SERGEF: variants seen among roughly 807,000 people sequenced by gnomAD.
The protein encoded by SERGEF is secretion regulating guanine nucleotide exchange factor.
Under a neutral mutation model 50.0 loss-of-function variants are expected in SERGEF, and 51 were observed. The ratio of observed to expected loss-of-function variants is 1.02; its 90% CI spans 0.81 to 1.29. The LOEUF (loss-of-function observed/expected upper bound fraction) is 1.29. Among genes scored for constraint, SERGEF ranks in the 50% most tolerant of loss-of-function variants. SERGEF has a pLI of 0.00. For missense variants in SERGEF, 521 were observed against 557.0 expected (o/e 0.94, Z 0.65); for synonymous variants, 205 against 212.4 (o/e 0.97, Z 0.30).
intron 8 of SERGEF, among the ~76,000 whole-genome samples, chr11:17,981,525 ATTAGGGACTCTT>A (rs1853495041): frequency 6.6e-6 from 1 of 152,064 alleles, no homozygotes; most frequent in South Asian, 2.1e-4. Context: ...CCATTAACGA[ATTAGGGACTCTT>A]GTGTGAAGTA....
At chr11:18,006,781 C>T (rs1322028368) in intron 2 of SERGEF, 35 bp from the exon 3 acceptor site, 6 of 1,601,416 alleles carry the variant, frequency 3.7e-6, no homozygotes, top group Non-Finnish European at 4.3e-6. Context: ...ATAGCGTGCA[C>T]AGGAAAAAAC....
chr11:18,011,133 CACAT>C (rs1268025072), intron 1 of SERGEF, among the ~76,000 whole-genome samples: 1 of 128,322 alleles, frequency 7.8e-6, no homozygotes, highest in Non-Finnish European at 1.6e-5. Context: ...TGCACATGCA[CACAT>C]ACACACACAC....
At chr11:17,910,433 A>G (rs1851930938) in intron 9 of SERGEF, among the ~76,000 whole-genome samples, 1 of 151,800 alleles carries the variant, frequency 6.6e-6, no homozygotes, top group Non-Finnish European at 1.5e-5. Flanking sequence ...AAATTTTTTT[A>G]TAGAGATGGA....
At position 17,991,494 on chromosome 11, in the gene SERGEF, G is replaced by A. The variant is rs955668455; in HGVS notation, c.685+1437C>T. ...CCATCCCTCATTGACTGTGGGGCAC[G>A]AACACATCACTTCTCACCCTAAGGT... On this transcript the variant is annotated intron_variant, in intron 7 of 10. Coordinates refer to ENST00000265965, the MANE Select transcript of SERGEF (RefSeq NM_012139.4). The surrounding 1 kb of genome is among the most constrained non-coding windows in gnomAD (Gnocchi z 4.9). Among the ~76,000 whole-genome samples the A allele has an allele frequency of 2.0e-5, 3 of 152,138 alleles. No homozygotes were observed. The highest frequency in any genetic ancestry group is 2.1e-4 in the South Asian group (1 of 4,824).
chr11:17,920,129 C>T (rs942764358), intron 9 of SERGEF, among the ~76,000 whole-genome samples: 43 of 147,988 alleles, frequency 2.9e-4, no homozygotes, highest in African/African-American at 1.0e-3. Context: ...CGCCTGTAGT[C>T]CTAGCTACTC....
intron 10 of SERGEF, among the ~76,000 whole-genome samples, chr11:17,863,088 GTT>G (rs1850956025): frequency 6.6e-6 from 1 of 152,222 alleles, no homozygotes; most frequent in African/African-American, 2.4e-5. Flanking sequence ...GCAGACCTTA[GTT>G]TGAATTCTGG....
intron 5 of SERGEF, chr11:17,999,393 A>G (rs778939797): frequency 6.3e-5 from 20 of 316,016 alleles, no homozygotes; most frequent in Non-Finnish European, 1.1e-4. Flanking sequence ...CTGCATGTGC[A>G]TCTGCAATTA....
In SERGEF at chr11:17,789,299, C is replaced by T. The variant is rs545053670; in HGVS notation, c.1049-886G>A. Among the ~76,000 whole-genome samples, 83 of 152,336 alleles carry T rather than the reference C, an allele frequency of 5.4e-4. No homozygotes were observed. The South Asian group carries it at 0.015, about 28-fold the overall frequency. ...GATGATTTGTGTGGTGATGTGTTTA[C>T]TGTCCCCTCTTCACTAGACTGCACT... On this transcript the variant is annotated intron_variant, in intron 10 of 10. Transcript: ENST00000265965.
At chr11:18,007,107 CA>C (rs1222935523) in intron 2 of SERGEF, among the ~76,000 whole-genome samples, 1 of 152,198 alleles carries the variant, frequency 6.6e-6, no homozygotes, top group Non-Finnish European at 1.5e-5. Context: ...CTAGGGCCCA[CA>C]ATGCTTTCAG....
intron 10 of SERGEF, among the ~76,000 whole-genome samples, chr11:17,811,317 G>A (rs763195004): frequency 6.6e-6 from 1 of 152,208 alleles, no homozygotes; most frequent in Non-Finnish European, 1.5e-5. Flanking sequence ...CCACATGGAC[G>A]TAGCCAGGAG....
At chr11:18,004,238 G>A (rs143726481) in intron 4 of SERGEF, among the ~76,000 whole-genome samples, 1 of 152,286 alleles carries the variant, frequency 6.6e-6, no homozygotes, top group Non-Finnish European at 1.5e-5. Flanking sequence ...CATATGAAGT[G>A]TATGAAAACT....
chr11:17,948,962 G>T (rs1852721985), intron 9 of SERGEF, among the ~76,000 whole-genome samples: 1 of 152,158 alleles, frequency 6.6e-6, no homozygotes, highest in Non-Finnish European at 1.5e-5. Context: ...GCAGGAGGTG[G>T]TGGCCACCAC....
intron 8 of SERGEF, 65 bp from the exon 9 acceptor site, chr11:17,959,701 G>A (rs2133971544): frequency 7.3e-7 from 1 of 1,373,618 alleles, no homozygotes. Flanking sequence ...GGTAGGCAAT[G>A]AATTACAAGA....
rs907923430 is a variant in SERGEF at position 17,901,933 on chromosome 11, C to T, written c.1012-23689G>A. ...AGAGCTTCAGTTTCCATATCTGTAA[C>T]GTGAACATAACTCAATCTAACTCAC... On this transcript the variant is annotated intron_variant, in intron 9 of 10. Transcript: ENST00000265965. Among the ~76,000 whole-genome samples the T allele has an allele frequency of 9.2e-5, 14 of 152,286 alleles. No homozygotes were observed. In the East Asian group the frequency reaches 1.5e-3, roughly 17 times the overall value.
intron 8 of SERGEF, among the ~76,000 whole-genome samples, chr11:17,965,331 CTG>C (rs1245928796): frequency 6.6e-6 from 1 of 152,208 alleles, no homozygotes; most frequent in Non-Finnish European, 1.5e-5. Context: ...CATGCAGGAA[CTG>C]TGAGTCAATT....
intron 6 of SERGEF, among the ~76,000 whole-genome samples, chr11:17,993,815 C>G (rs1203354081): frequency 1.3e-5 from 2 of 152,046 alleles, no homozygotes; most frequent in Non-Finnish European, 1.5e-5. Flanking sequence ...GGGAACAGCC[C>G]GGGTTCCAGC....
chr11:17,893,951 G>T (rs1851578333), intron 9 of SERGEF, among the ~76,000 whole-genome samples: 1 of 152,148 alleles, frequency 6.6e-6, no homozygotes, highest in South Asian at 2.1e-4. Context: ...CTTAGCTCTT[G>T]CCTGGGATTG....
intron 9 of SERGEF, among the ~76,000 whole-genome samples, chr11:17,880,895 T>G (rs746567754): frequency 1.3e-5 from 2 of 152,226 alleles, no homozygotes; most frequent in African/African-American, 4.8e-5. Context: ...GCAGTAGTAG[T>G]GGTGGCTAGG....
chr11:17,948,485 C>T lies in SERGEF; in HGVS notation c.1011+10985G>A, dbSNP rs550296355. 5.9e-5 allele frequency among the ~76,000 whole-genome samples: 9 copies of T among 152,264 alleles called. No individual in the cohort carries two copies. In the South Asian group the frequency reaches 8.3e-4, roughly 14 times the overall value. On this transcript the variant is annotated intron_variant, in intron 9 of 10. Transcript: ENST00000265965. ...CGTCAAATGATATGCATGCTCCCCA[C>T]GTAATTAATAAGAAATCTTATCAGT...
Sources: allele counts gnomAD v4.1 joint callset (sites outside exome capture counted in the v4.1 genomes callset), GRCh38; gene constraint gnomAD v4.1.1; non-coding constraint Gnocchi (gnomAD v3.1); transcripts MANE v1.5; gene names NCBI Gene and HGNC (gene_info 2026-07-23, HGNC 2026-07-21).